The following C8orf34 variants were observed in gnomAD, a reference collection of about 807,000 sequenced individuals.
C8orf34 encodes chromosome 8 open reading frame 34, also known as uncharacterized protein C8orf34.
In C8orf34, 65 loss-of-function variants were observed where a neutral mutation model predicts 68.3. The observed-to-expected ratio is 0.95, with a 90% CI of 0.78 to 1.17. The LOEUF (loss-of-function observed/expected upper bound fraction) is 1.17, where lower values mean the gene tolerates loss of function less well. C8orf34 is among the 50% of genes most tolerant of loss of function. The pLI is 0.00. For synonymous variants in C8orf34, 244 were observed against 241.2 expected, an observed-to-expected ratio of 1.01 and a Z score of -0.11; for missense variants, 664 against 655.4, an observed-to-expected ratio of 1.01 and a Z score of -0.14.
intron 1 of C8orf34, among the ~76,000 whole-genome samples, chr8:68,435,049 C>CA (rs550862710): frequency 0.033 from 2,495 of 75,462 alleles, 81 homozygotes; most frequent in African/African-American, 0.11. Context: ...GACTCCATCT[C>CA]AAAAAAAAAA....
intron 1 of C8orf34, among the ~76,000 whole-genome samples, chr8:68,414,351 T>G (rs1023313276): frequency 6.6e-6 from 1 of 152,222 alleles, no homozygotes; most frequent in Admixed American, 6.5e-5. Flanking sequence ...ATAAATATGT[T>G]GTATGAAAGT....
chr8:68,665,567 T>C (rs1020814716), intron 8 of C8orf34, among the ~76,000 whole-genome samples: 1 of 152,188 alleles, frequency 6.6e-6, no homozygotes, highest in African/African-American at 2.4e-5. Flanking sequence ...CATCATTTCG[T>C]ACCATTCTCC....
chr8:68,418,166 G>C (rs1156404418), intron 1 of C8orf34, among the ~76,000 whole-genome samples: 1 of 146,140 alleles, frequency 6.8e-6, no homozygotes, highest in African/African-American at 2.6e-5. Flanking sequence ...CTTTGCTGAA[G>C]TTGCTTATCA....
intron 11 of C8orf34, 64 bp from the exon 12 acceptor site, chr8:68,787,379 A>G (rs1185384862): frequency 9.3e-7 from 1 of 1,073,880 alleles, no homozygotes; most frequent in African/African-American, 1.6e-5. Context: ...TGAAGTGATT[A>G]TCCACATTAA....
chr8:68,661,087 G>T (rs1819662976), intron 8 of C8orf34, among the ~76,000 whole-genome samples: 2 of 152,202 alleles, frequency 1.3e-5, no homozygotes, highest in African/African-American at 4.8e-5. Context: ...AGCGAGAATT[G>T]CTAGCCAGCT....
intron 1 of C8orf34, among the ~76,000 whole-genome samples, chr8:68,352,284 A>G (rs1806542971): frequency 6.6e-6 from 1 of 152,104 alleles, no homozygotes; most frequent in Admixed American, 6.6e-5. Context: ...AAAAAGTTAC[A>G]TTATTATATT....
At chr8:68,538,091 A>T (rs1377722976) in intron 7 of C8orf34, among the ~76,000 whole-genome samples, 1 of 152,224 alleles carries the variant, frequency 6.6e-6, no homozygotes, top group Non-Finnish European at 1.5e-5. Flanking sequence ...TTTATAAGAC[A>T]CAGCCATTTC....
chr8:68,346,505 GGGTTTGGACAA>G (rs1206803014), intron 1 of C8orf34, among the ~76,000 whole-genome samples: 1 of 151,932 alleles, frequency 6.6e-6, no homozygotes, highest in African/African-American at 2.4e-5. Flanking sequence ...TACATTCCAT[GGGTTTGGACAA>G]ATATACAATG....
At chr8:68,679,018 A>T (rs1368706427) in intron 8 of C8orf34, among the ~76,000 whole-genome samples, 2 of 152,068 alleles carry the variant, frequency 1.3e-5, no homozygotes, top group Admixed American at 1.3e-4. Context: ...AGCTACTAAT[A>T]GGCCAGGCAC....
chr8:68,354,857 C>T (rs1412660946), intron 1 of C8orf34, among the ~76,000 whole-genome samples: 22 of 151,854 alleles, frequency 1.4e-4, no homozygotes. Flanking sequence ...GTGCAATAGC[C>T]CTGTACAGAT....
intron 1 of C8orf34, among the ~76,000 whole-genome samples, chr8:68,381,809 C>T (rs1437242485): frequency 6.7e-6 from 1 of 150,002 alleles, no homozygotes; most frequent in Non-Finnish European, 1.5e-5. Context: ...TGTGTGCATT[C>T]CATTTATTTT....
intron 10 of C8orf34, among the ~76,000 whole-genome samples, chr8:68,735,716 C>T (rs140664265): frequency 2.2e-4 from 34 of 152,242 alleles, no homozygotes; most frequent in Non-Finnish European, 4.6e-4. Flanking sequence ...GTCATTAATA[C>T]GTAAAAATAG....
chr8:68,800,354 T>C (rs1440979050), intron 12 of C8orf34, among the ~76,000 whole-genome samples: 1 of 152,162 alleles, frequency 6.6e-6, no homozygotes, highest in African/African-American at 2.4e-5. Flanking sequence ...CAAAAGACTG[T>C]AGAGTAATTT....
rs1481883111 is a variant in C8orf34, at chr8:68,603,204, A to T, written c.1106-37172A>T. Among the ~76,000 whole-genome samples, 4 of 152,238 alleles carry T rather than the reference A, an allele frequency of 2.6e-5. No homozygotes were observed. In the East Asian group the frequency reaches 7.7e-4, roughly 29 times the overall value. The stretch of plus-strand genomic sequence containing the variant: ...GGAAGGCAGCTACTCCCCCTTGGCT[A>T]GGACCAAAACTCTCATTGCTGCTGA... On this transcript the variant is annotated intron_variant, in intron 7 of 13. Transcript: ENST00000518698.
In C8orf34 at chr8:68,483,109, G is replaced by A. The variant is rs192432741; in HGVS notation, c.737-4914G>A. 5.9e-5 allele frequency among the ~76,000 whole-genome samples: 9 copies of A among 152,204 alleles called. No individual in the cohort carries two copies. In the East Asian group the frequency reaches 1.5e-3, roughly 26 times the overall value. On this transcript the variant is annotated intron_variant, in intron 4 of 13. Transcript: ENST00000518698. ...AGAATTTTGAAAAGTTGCTACTTCC[G>A]TTTCCTATAACTACAACCTAATTCT...
At chr8:68,627,838 G>T (rs964402587) in intron 7 of C8orf34, among the ~76,000 whole-genome samples, 1 of 152,112 alleles carries the variant, frequency 6.6e-6, no homozygotes, top group African/African-American at 2.4e-5. Flanking sequence ...ACAAAACTCT[G>T]TGGTCATCCT....
chr8:68,359,965 G>A (rs963721642), intron 1 of C8orf34, among the ~76,000 whole-genome samples: 2 of 152,124 alleles, frequency 1.3e-5, no homozygotes, highest in Non-Finnish European at 2.9e-5. Flanking sequence ...ATATTTTTGA[G>A]TGAATAGTAT....
chr8:68,521,932 A>G lies in C8orf34; in HGVS notation c.899A>G (p.Gln300Arg). Residue 300 changes from glutamine (Q) to arginine (R), a missense_variant, in exon 6 of 14, where the codon CAA becomes CGA. Coordinates refer to ENST00000518698, the MANE Select transcript of C8orf34 (RefSeq NM_052958.4). ...QPPIPRSKNDQWESEDSGSSP... is the reference protein window; with the variant it reads ...QPPIPRSKNDRWESEDSGSSP... ...CCAATTCCAAGAAGCAAAAATGACCAATGGGAAAGTGAAGATAGTGGCTCT... is the reference window on the plus strand; with the variant it reads ...CCAATTCCAAGAAGCAAAAATGACCGATGGGAAAGTGAAGATAGTGGCTCT... The G allele has an allele frequency of 6.2e-7, 1 of 1,614,114 alleles. No homozygotes were observed. Among genetic ancestry groups the G allele is most frequent in the Non-Finnish European group, 8.5e-7 (1 of 1,179,992 alleles).
At chr8:68,534,538 C>A (rs879645916) in intron 7 of C8orf34, 142 of 802,726 alleles carry the variant, frequency 1.8e-4, no homozygotes, top group Non-Finnish European at 2.0e-4. Context: ...AGGGGTAACA[C>A]CTAAAGCAGA....
Sources: gnomAD v4.1 joint callset for allele counts (sites outside exome capture counted in the v4.1 genomes callset) on GRCh38, gnomAD v4.1.1 for gene constraint, MANE v1.5 for transcripts, NCBI Gene and HGNC (gene_info 2026-07-23, HGNC 2026-07-21) for gene names.